The following ST3GAL3 variants were observed in gnomAD, a reference collection of about 807,000 sequenced individuals.
ST3GAL3 encodes the protein CMP-N-acetylneuraminate-beta-1,4-galactoside alpha-2,3-sialyltransferase.
A neutral mutation model predicts 50.1 loss-of-function variants in ST3GAL3; 21 were observed. The observed-to-expected ratio is 0.42, with a 90% confidence interval of 0.30 to 0.60. ST3GAL3 has a LOEUF of 0.60. ST3GAL3 is among the 20% of genes least tolerant of loss of function. ST3GAL3 has a pLI of 0.19. For missense variants in ST3GAL3, 353 were observed against 489.4 expected, an observed-to-expected ratio of 0.72 and a Z score of 2.63; for synonymous variants, 183 against 190.0, an observed-to-expected ratio of 0.96 and a Z score of 0.30.
At chr1:43,904,252 A>G (rs1211020885) in intron 9 of ST3GAL3, among the ~76,000 whole-genome samples, 2 of 152,096 alleles carry the variant, frequency 1.3e-5, no homozygotes, top group African/African-American at 4.8e-5. Context: ...GACCAGGCCC[A>G]AATGGGGATT....
intron 5 of ST3GAL3, among the ~76,000 whole-genome samples, chr1:43,857,245 A>G (rs1038293875): frequency 2.0e-5 from 3 of 152,204 alleles, no homozygotes; most frequent in African/African-American, 7.2e-5. Context: ...TATAGAATCA[A>G]AAGTGATATG....
chr1:43,874,388 G>A (rs959635950), intron 5 of ST3GAL3, among the ~76,000 whole-genome samples: 5 of 152,198 alleles, frequency 3.3e-5, no homozygotes, highest in African/African-American at 1.2e-4. Context: ...CTTTGAAGGA[G>A]TGTTTCTGTA....
chr1:43,929,310 AT>A (rs879289204), intron 11 of ST3GAL3, among the ~76,000 whole-genome samples: 79 of 76,650 alleles, frequency 1.0e-3, no homozygotes, highest in African/African-American at 2.2e-3. Context: ...TTTAATTATT[AT>A]TTTTTTTTTT....
At chr1:43,726,040 G>A (rs1438810484) in intron 1 of ST3GAL3, among the ~76,000 whole-genome samples, 2 of 152,046 alleles carry the variant, frequency 1.3e-5, no homozygotes, top group Non-Finnish European at 2.9e-5. Context: ...TAAAGTGGCT[G>A]CATAAACTCT....
chr1:43,737,316 G>A lies in ST3GAL3; in HGVS notation c.118+936G>A, dbSNP rs1008301579. The A allele has an allele frequency of 3.3e-5, 5 of 152,260 alleles. No homozygotes were observed. Among genetic ancestry groups the A allele is most frequent in the Admixed American group, 6.5e-5 (1 of 15,294 alleles). 9.4% of individuals were successfully genotyped at this position (152,260 alleles called of 1,614,324 possible). On this transcript the variant is annotated intron_variant, in intron 2 of 11. Transcript: ENST00000347631. The surrounding 1 kb of genome is among the most constrained non-coding windows in gnomAD (Gnocchi z 4.0). ...ACTTGAGAAGAGAGTCAGTCTCTAG[G>A]TACAAGGTGAAAGTGAGCTGCAGTG...
rs79344137 is a variant in ST3GAL3, at chr1:43,862,922, A to C, written c.302+24611A>C. ...CCGTGTGAGACCCAGTTTCAAAAAA[A>C]CAGTGGACAGAGTCTAAAGTGGCTC... is the stretch of plus-strand genomic sequence containing the variant. On this transcript the variant is annotated intron_variant, in intron 5 of 11. Transcript: ENST00000347631. 1.8e-4 allele frequency among the ~76,000 whole-genome samples: 28 copies of C among 152,240 alleles called. No homozygotes were observed. In the East Asian group the frequency reaches 5.0e-3, roughly 27 times the overall value.
At chr1:43,827,799 A>C (rs995545332) in intron 4 of ST3GAL3, among the ~76,000 whole-genome samples, 1 of 152,206 alleles carries the variant, frequency 6.6e-6, no homozygotes, top group Non-Finnish European at 1.5e-5. Context: ...GGTGTGAGCC[A>C]CTGTGCCCAG....
chr1:43,909,883 T>A (rs1444300967), intron 9 of ST3GAL3, among the ~76,000 whole-genome samples: 7 of 152,190 alleles, frequency 4.6e-5, no homozygotes, highest in African/African-American at 1.4e-4. Context: ...AGAAATAGGT[T>A]TAACCTTCCT....
intron 1 of ST3GAL3, among the ~76,000 whole-genome samples, chr1:43,711,207 G>A (rs545526111): frequency 1.3e-5 from 2 of 152,328 alleles, no homozygotes; most frequent in East Asian, 3.9e-4. Context: ...TCATTCATGT[G>A]ACGTGTCCAG....
chr1:43,906,166 C>T (rs1170781945), intron 9 of ST3GAL3, among the ~76,000 whole-genome samples: 6 of 118,990 alleles, frequency 5.0e-5, no homozygotes, highest in African/African-American at 1.0e-4. Flanking sequence ...TCCTCCTGTT[C>T]CCCTTCCTGC....
At chr1:43,753,026 A>G (rs1686751673) in intron 2 of ST3GAL3, among the ~76,000 whole-genome samples, 1 of 152,234 alleles carries the variant, frequency 6.6e-6, no homozygotes, top group South Asian at 2.1e-4. Flanking sequence ...TGATGTAAAT[A>G]TGCATCAGTA....
chr1:43,851,120 TAGG>T, intron 5 of ST3GAL3: 1 of 1,074,534 alleles, frequency 9.3e-7, no homozygotes, highest in Non-Finnish European at 1.5e-6. Flanking sequence ...GTCCAGGTTT[TAGG>T]AGGAGCAGCT....
intron 5 of ST3GAL3, among the ~76,000 whole-genome samples, chr1:43,862,034 A>G (rs2070097696): frequency 6.6e-6 from 1 of 152,084 alleles, no homozygotes; most frequent in South Asian, 2.1e-4. Context: ...GTCTTAAAAA[A>G]AAAAAAAAAA....
At chr1:43,891,425 C>A (rs896652082) in intron 5 of ST3GAL3, among the ~76,000 whole-genome samples, 1 of 152,022 alleles carries the variant, frequency 6.6e-6, no homozygotes, top group Non-Finnish European at 1.5e-5. Context: ...CAAAATTAAC[C>A]GGGCATGATG....
intron 5 of ST3GAL3, among the ~76,000 whole-genome samples, chr1:43,860,472 G>A (rs1365382552): frequency 6.6e-6 from 1 of 152,240 alleles, no homozygotes; most frequent in East Asian, 1.9e-4. Flanking sequence ...AGGAAACACA[G>A]GGTTCAGAGA....
intron 2 of ST3GAL3, among the ~76,000 whole-genome samples, chr1:43,773,660 T>C (rs1399857003): frequency 6.6e-6 from 1 of 152,220 alleles, no homozygotes; most frequent in Non-Finnish European, 1.5e-5. Context: ...TCCTCAAATA[T>C]CTCAGTTTGC....
intron 3 of ST3GAL3, among the ~76,000 whole-genome samples, chr1:43,793,981 A>T (rs1288865603): frequency 1.3e-5 from 2 of 151,618 alleles, no homozygotes; most frequent in Non-Finnish European, 2.9e-5. Context: ...GGTACTCAGG[A>T]TGCTAAGCAG....
At chr1:43,884,870 C>T (rs1419866223) in intron 5 of ST3GAL3, among the ~76,000 whole-genome samples, 1 of 152,216 alleles carries the variant, frequency 6.6e-6, no homozygotes, top group Non-Finnish European at 1.5e-5. Context: ...CTGGAAGCAC[C>T]TCTTTCAGTT....
At chr1:43,771,958 G>A in intron 2 of ST3GAL3, 1 of 396,362 alleles carries the variant, frequency 2.5e-6, no homozygotes, top group Non-Finnish European at 4.4e-6. Flanking sequence ...GAGCATGGAA[G>A]TTAAAAGGAA....
Sources: gnomAD v4.1 joint callset for allele counts (sites outside exome capture counted in the v4.1 genomes callset) on GRCh38, gnomAD v4.1.1 for gene constraint, Gnocchi (gnomAD v3.1) non-coding constraint, MANE v1.5 for transcripts, NCBI Gene and HGNC (gene_info 2026-07-23, HGNC 2026-07-21) for gene names.